EEF2: variants seen among roughly 807,000 people sequenced by gnomAD.
The protein encoded by EEF2 is eukaryotic translation elongation factor 2.
Under a neutral mutation model 85.3 loss-of-function variants are expected in EEF2, and 21 were observed. The ratio of observed to expected loss-of-function variants is 0.25; its 90% CI spans 0.17 to 0.35. The LOEUF (loss-of-function observed/expected upper bound fraction) is 0.35, where lower values mean the gene tolerates loss of function less well. Among genes scored for constraint, EEF2 ranks in the 10% least tolerant of loss-of-function variants. The pLI is 1.00. For missense variants in EEF2, 825 were observed against 1,225.3 expected (o/e 0.67, Z 4.88); for synonymous variants, 723 against 508.8 (o/e 1.42, Z -5.67).
rs1167532245 is a variant in EEF2, at chr19:3,979,454, C to G, written c.1606-18G>C. The G allele has an allele frequency of 1.2e-6, 2 of 1,608,602 alleles. No homozygotes were observed. Among genetic ancestry groups the G allele is most frequent in the Non-Finnish European group, 1.7e-6 (2 of 1,177,008 alleles). On this transcript the variant is annotated intron_variant, in intron 10 of 14. Coordinates refer to ENST00000309311, the MANE Select transcript of EEF2 (RefSeq NM_001961.4). The stretch of plus-strand genomic sequence containing the variant: ...ATGATGCACTGAAAGGGATGCGGGT[C>G]AGCACCAAAGGGGTAGGCGGCTCGG...
chr19:3,981,155 A>T (rs747482955), intron 7 of EEF2, among the ~76,000 whole-genome samples, 176 bp from the exon 8 acceptor site: 46 of 152,338 alleles, frequency 3.0e-4, no homozygotes, highest in South Asian at 4.1e-4. Context: ...GCCCTCACCC[A>T]CACCTGTCCC....
rs777077931 is a variant in EEF2 at position 3,977,236 on chromosome 19, G to C, written c.2362C>G (p.Leu788Val). 2 of 1,613,754 alleles carry C rather than the reference G, an allele frequency of 1.2e-6. No individual in the cohort carries two copies. The highest frequency in any genetic ancestry group is 1.7e-6 in the Non-Finnish European group (2 of 1,179,934). The change falls in exon 14 of 15, where the codon CTG (leucine) becomes GTG (valine). Residue 788 changes from leucine (L) to valine (V), a missense_variant. Physicochemically the swap from Leu to Val is conservative, Grantham distance 32. Coordinates refer to ENST00000309311, the MANE Select transcript of EEF2 (RefSeq NM_001961.4). The surrounding 1 kb of genome is among the most constrained non-coding windows in gnomAD (Gnocchi z 5.4). ...GTPMFVVKAY[L>V]PVNESFGFTA... ...TCACCAAAGGACTCGTTGACGGGCA[G>C]ATAGGCCTTGACCACAAACATGGGG...
In EEF2 at chr19:3,977,758, C is replaced by G. The variant is rs953669370; in HGVS notation, c.2067+61G>C. ...GGGTCTCTGTCTCGGGAGGCAGGACCATGAGGTCCCTCTAGAGCCTGGAAA... is the reference window on the plus strand; with the variant it reads ...GGGTCTCTGTCTCGGGAGGCAGGACGATGAGGTCCCTCTAGAGCCTGGAAA... On this transcript the variant is annotated intron_variant, in intron 12 of 14. Coordinates refer to ENST00000309311, the MANE Select transcript of EEF2 (RefSeq NM_001961.4). This position sits in a 1 kb window ranked among gnomAD's most constrained non-coding sequence, Gnocchi z 5.4. The G allele has an allele frequency of 4.7e-6, 7 of 1,504,666 alleles. No individual in the cohort carries two copies. In the African/African-American group the frequency reaches 9.7e-5, roughly 21 times the overall value. 93.2% of individuals were successfully genotyped at this position (1,504,666 alleles called of 1,614,324 possible).
intron 11 of EEF2, among the ~76,000 whole-genome samples, chr19:3,978,966 A>G (rs962632539): frequency 1.3e-5 from 2 of 151,952 alleles, no homozygotes; most frequent in Non-Finnish European, 2.9e-5. Context: ...TCTACTAAAA[A>G]TACAAAAAAA....
At chr19:3,980,780 A>G in intron 8 of EEF2, 61 bp downstream of exon 8, 1 of 1,592,288 alleles carries the variant, frequency 6.3e-7, no homozygotes, top group Non-Finnish European at 8.6e-7. Flanking sequence ...GCAACCCACA[A>G]CCTTGGGCAA....
chr19:3,976,284 T>C lies in EEF2; in HGVS notation c.*270A>G. 1 of 441,768 alleles carries C rather than the reference T, an allele frequency of 2.3e-6. No homozygotes were observed. The highest frequency in any genetic ancestry group is 4.1e-6 in the Non-Finnish European group (1 of 246,326). 27.4% of individuals were successfully genotyped at this position (441,768 alleles called of 1,614,324 possible). On this transcript the variant is annotated 3_prime_UTR_variant, in exon 15 of 15. Coordinates refer to ENST00000309311, the MANE Select transcript of EEF2 (RefSeq NM_001961.4). Reference sequence around the variant, plus strand: ...CCCTCTGAAGAAATGGAAAAAGTGTTGGGTGTCCCATCCCGCCTCCCCCTC... The same window carrying C: ...CCCTCTGAAGAAATGGAAAAAGTGTCGGGTGTCCCATCCCGCCTCCCCCTC...
chr19:3,981,564 G>T, intron 6 of EEF2, 112 bp from the exon 7 acceptor site: 2 of 1,013,374 alleles, frequency 2.0e-6, no homozygotes, highest in Non-Finnish European at 1.5e-6. Flanking sequence ...CAGCACGGGA[G>T]CAGGAGCAGG....
rs2039754150 is a variant in EEF2 at position 3,981,929 on chromosome 19, GGCGCA to G, written c.897+13_897+17del. The stretch of plus-strand genomic sequence containing the variant: ...CAATAGTCGCATCGGCGGGGTGCCT[GGCGCA>G]GCCCTCACTCACCTTGAAGATGGGG... On this transcript the variant is annotated intron_variant, in intron 6 of 14. Transcript: ENST00000309311. 1 of 1,610,606 alleles carries G rather than the reference GGCGCA, an allele frequency of 6.2e-7. No individual in the cohort carries two copies. Among genetic ancestry groups the G allele is most frequent in the East Asian group, 2.2e-5 (1 of 44,868 alleles).
chr19:3,982,061 G>T lies in EEF2; in HGVS notation c.792-9C>A. The T allele has an allele frequency of 6.2e-7, 1 of 1,613,942 alleles. No homozygotes were observed. The highest frequency in any genetic ancestry group is 8.5e-7 in the Non-Finnish European group (1 of 1,179,842). On this transcript the variant is annotated splice_polypyrimidine_tract_variant and intron_variant, in intron 5 of 14. Transcript: ENST00000309311. Reference sequence around the variant, plus strand: ...TGGCTGGGTCAAAGTACCTGGCAAGGAGAGGCCAAGCCAAATCAAGTTAGG... The same window carrying T: ...TGGCTGGGTCAAAGTACCTGGCAAGTAGAGGCCAAGCCAAATCAAGTTAGG...
intron 14 of EEF2, 151 bp from the exon 15 acceptor site, chr19:3,976,898 G>C (rs2039685938): frequency 2.0e-6 from 2 of 1,015,242 alleles, no homozygotes; most frequent in South Asian, 1.7e-5. Flanking sequence ...GAAGGGCCTA[G>C]CAGGCCACTC....
intron 7 of EEF2, 31 bp from the exon 8 acceptor site, chr19:3,981,010 C>T: frequency 1.3e-6 from 2 of 1,553,760 alleles, no homozygotes; most frequent in Non-Finnish European, 1.7e-6. Context: ...GCATGAGACA[C>T]CTGGGGAGCC....
In EEF2 at chr19:3,977,410, T is replaced by C; in HGVS notation, c.2250+18A>G. 6.3e-7 allele frequency: 1 copy of C among 1,586,568 alleles called. No homozygotes were observed. The highest frequency in any genetic ancestry group is 1.3e-5 in the African/African-American group (1 of 74,726). Reference sequence around the variant, plus strand: ...GGCAGGACGGTGGCAGGGTCAGCGGTGGGCGGGTAGACCTCACCTGGATCT... The same window carrying C: ...GGCAGGACGGTGGCAGGGTCAGCGGCGGGCGGGTAGACCTCACCTGGATCT... On this transcript the variant is annotated intron_variant, in intron 13 of 14. Transcript: ENST00000309311. The surrounding 1 kb of genome is among the most constrained non-coding windows in gnomAD (Gnocchi z 5.4).
Position 3,976,714 on chromosome 19 carries a change from C to T in EEF2, c.2417G>A (p.Gly806Asp). The T allele has an allele frequency of 1.2e-6, 2 of 1,600,674 alleles. No individual in the cohort carries two copies. Among genetic ancestry groups the T allele is most frequent in the Non-Finnish European group, 8.5e-7 (1 of 1,176,324 alleles). ...AAACACACACTGGGGGAACGCCTGG[C>T]CGCCCGTGTTGGACCTCAGGTCAGC... is the stretch of plus-strand genomic sequence containing the variant. ...FTADLRSNTG[G>D]QAFPQCVFDH... Residue 806 changes from glycine to aspartate, a missense_variant, in exon 15 of 15, where the codon GGC (glycine) becomes GAC (aspartate). Physicochemically the swap from Gly to Asp is moderately conservative, Grantham distance 94. Coordinates refer to ENST00000309311, the MANE Select transcript of EEF2 (RefSeq NM_001961.4).
chr19:3,982,554 A>G (rs767756678), intron 4 of EEF2, 130 bp from the exon 5 acceptor site: 5 of 1,284,366 alleles, frequency 3.9e-6, no homozygotes, highest in Non-Finnish European at 4.5e-6. Flanking sequence ...AAGTGAAGAA[A>G]TGATCAGTCA....
At position 3,980,708 on chromosome 19, in the gene EEF2, G is replaced by A. The variant is rs2039734963; in HGVS notation, c.1152C>T (p.Gly384=). 1 of 1,612,992 alleles carries A rather than the reference G, an allele frequency of 6.2e-7. No homozygotes were observed. Among genetic ancestry groups the A allele is most frequent in the Non-Finnish European group, 8.5e-7 (1 of 1,179,102 alleles). Residue 384 remains glycine (G), a splice_region_variant and synonymous_variant, in exon 9 of 15, where the codon GGC becomes GGT. Coordinates refer to ENST00000309311, the MANE Select transcript of EEF2 (RefSeq NM_001961.4). ...EGPPDDEAAM[G]IKSCDPKGPL... ...GGCCTTTGGGGTCACAGCTTTTAAT[G>A]CCTGAGGGACAGAGAAAACCCGCAA...
intron 9 of EEF2, 98 bp downstream of exon 9, chr19:3,980,416 G>A (rs1293352368): frequency 7.1e-7 from 1 of 1,407,848 alleles, no homozygotes; most frequent in Non-Finnish European, 9.6e-7. Flanking sequence ...TTCCTTCTAT[G>A]CTCCTTACTT....
At position 3,977,249 on chromosome 19, in the gene EEF2, C is replaced by T. The variant is rs369457690; in HGVS notation, c.2349G>A (p.Val783=). ...ESQVAGTPMF[V]VKAYLPVNES... is the part of the protein sequence containing the mutation. ...CGTTGACGGGCAGATAGGCCTTGAC[C>T]ACAAACATGGGGGTGCCGGCCACCT... The change falls in exon 14 of 15, where the codon GTG becomes GTA. Residue 783 remains valine, a synonymous_variant. Transcript: ENST00000309311. The surrounding 1 kb of genome is among the most constrained non-coding windows in gnomAD (Gnocchi z 5.4). The T allele has an allele frequency of 6.2e-7, 1 of 1,613,750 alleles. No homozygotes were observed. Among genetic ancestry groups the T allele is most frequent in the Non-Finnish European group, 8.5e-7 (1 of 1,179,938 alleles).
At chr19:3,983,351 G>C in intron 2 of EEF2, 60 bp from the exon 3 acceptor site, 1 of 1,553,980 alleles carries the variant, frequency 6.4e-7, no homozygotes, top group South Asian at 1.2e-5. Flanking sequence ...CAGGGAGTCT[G>C]GGATGCTGTC....
At position 3,983,024 on chromosome 19, in the gene EEF2, G is replaced by A; in HGVS notation, c.401-6C>T. On this transcript the variant is annotated splice_polypyrimidine_tract_variant and splice_region_variant and intron_variant, in intron 3 of 14. Coordinates refer to ENST00000309311, the MANE Select transcript of EEF2 (RefSeq NM_001961.4). ...CTCCGTCTGCACGCACACGCCTGGGGACACGGGGGACAGGGCGGCGCTGTC... is the reference window on the plus strand; with the variant it reads ...CTCCGTCTGCACGCACACGCCTGGGAACACGGGGGACAGGGCGGCGCTGTC... 4 of 1,612,792 alleles carry A rather than the reference G, an allele frequency of 2.5e-6. 1 individual carries two copies. The highest frequency in any genetic ancestry group is 2.2e-5 in the South Asian group (2 of 91,060).
Sources: allele counts gnomAD v4.1 joint callset (sites outside exome capture counted in the v4.1 genomes callset), GRCh38; gene constraint gnomAD v4.1.1; non-coding constraint Gnocchi (gnomAD v3.1); transcripts MANE v1.5; gene names NCBI Gene and HGNC (gene_info 2026-07-23, HGNC 2026-07-21).